Variants in FGF12 observed in about 807,000 individuals in gnomAD.
The protein encoded by FGF12 is fibroblast growth factor 12B.
A neutral mutation model predicts 23.6 loss-of-function variants in FGF12; 14 were observed. The observed-to-expected ratio is 0.59, with a 90% confidence interval of 0.39 to 0.93. The LOEUF is 0.93. FGF12 is among the 40% of genes least tolerant of loss of function. The pLI, the probability that FGF12 is intolerant of heterozygous loss-of-function variation, is 0.00. For missense variants in FGF12, 175 were observed against 217.8 expected (o/e 0.80, Z 1.24); for synonymous variants, 62 against 77.3 (o/e 0.80, Z 1.04).
chr3:192,182,515 G>A (rs1716236184), intron 4 of FGF12, among the ~76,000 whole-genome samples: 1 of 151,958 alleles, frequency 6.6e-6, no homozygotes, highest in African/African-American at 2.4e-5. Context: ...AATTACTGAA[G>A]GAAGAAAATC....
rs1713513680 is a variant in FGF12 at position 192,143,339 on chromosome 3, T to C, written c.*670A>G. 6.6e-6 allele frequency: 1 copy of C among 152,110 alleles called. No individual in the cohort carries two copies. Among genetic ancestry groups the C allele is most frequent in the Admixed American group, 6.5e-5 (1 of 15,270 alleles). 9.4% of individuals were successfully genotyped at this position (152,110 alleles called of 1,614,324 possible). On this transcript the variant is annotated 3_prime_UTR_variant, in exon 6 of 6. Transcript: ENST00000445105. ...GAAAGAATTAAACTCATTAAGGCTA[T>C]TCGATGCCATACAAGATTTTCCTTT... is the stretch of plus-strand genomic sequence containing the variant.
intron 4 of FGF12, among the ~76,000 whole-genome samples, chr3:192,191,913 T>C (rs1716814269): frequency 6.7e-6 from 1 of 149,860 alleles, no homozygotes; most frequent in Non-Finnish European, 1.5e-5. Flanking sequence ...ATACACAGAG[T>C]AGGGGAAAGG....
rs555323458 is a variant in FGF12, at chr3:192,383,030, A to T, written c.14-22492T>A. Among the ~76,000 whole-genome samples, 8 of 152,322 alleles carry T rather than the reference A, an allele frequency of 5.3e-5. No individual in the cohort carries two copies. In the South Asian group the frequency reaches 1.4e-3, roughly 28 times the overall value. On this transcript the variant is annotated intron_variant, in intron 2 of 5. Transcript: ENST00000445105. ...TAAAATTGTCTTGACTTAGTTATTA[A>T]TTGCATGTGGGCAGAAAGGGAAATG...
At chr3:192,698,184 T>C (rs954800159) in intron 2 of FGF12, among the ~76,000 whole-genome samples, 2 of 151,480 alleles carry the variant, frequency 1.3e-5, no homozygotes, top group African/African-American at 4.9e-5. Flanking sequence ...AAATCAATAT[T>C]TTAATGAATT....
chr3:192,449,349 T>C (rs917103583), intron 2 of FGF12, among the ~76,000 whole-genome samples: 1 of 152,112 alleles, frequency 6.6e-6, no homozygotes. Flanking sequence ...ACTCACAAAT[T>C]GTGGTGCTCA....
chr3:192,525,918 G>A (rs1358073564), intron 2 of FGF12, among the ~76,000 whole-genome samples: 1 of 152,180 alleles, frequency 6.6e-6, no homozygotes, highest in Non-Finnish European at 1.5e-5. Flanking sequence ...GGGACTACAG[G>A]TGTGCGCCAC....
chr3:192,639,044 C>G (rs1715689783), intron 2 of FGF12, among the ~76,000 whole-genome samples: 1 of 152,096 alleles, frequency 6.6e-6, no homozygotes, highest in Non-Finnish European at 1.5e-5. Context: ...TATTTGCAAA[C>G]CATACATCTG....
intron 2 of FGF12, among the ~76,000 whole-genome samples, chr3:192,669,078 T>A (rs1717006764): frequency 6.6e-6 from 1 of 152,106 alleles, no homozygotes; most frequent in African/African-American, 2.4e-5. Flanking sequence ...GCAAACAAGA[T>A]AAGATTTTTA....
At chr3:192,326,173 A>G (rs59674482) in intron 4 of FGF12, among the ~76,000 whole-genome samples, 6,341 of 152,266 alleles carry the variant, frequency 0.042, 378 homozygotes, top group African/African-American at 0.13. Flanking sequence ...TTTGCATCTG[A>G]TAAGATATAA....
At chr3:192,292,158 G>A (rs1364969678) in intron 4 of FGF12, among the ~76,000 whole-genome samples, 5 of 152,240 alleles carry the variant, frequency 3.3e-5, no homozygotes, top group East Asian at 3.9e-4. Context: ...TTTGTTCAGC[G>A]TGTTATAAGC....
intron 2 of FGF12, among the ~76,000 whole-genome samples, chr3:192,432,054 G>C (rs371616236): frequency 6.6e-6 from 1 of 152,124 alleles, no homozygotes; most frequent in East Asian, 1.9e-4. Context: ...CATAGATCAG[G>C]TCTGCTTACC....
intron 2 of FGF12, among the ~76,000 whole-genome samples, chr3:192,606,454 G>C (rs1435418701): frequency 6.6e-6 from 1 of 152,014 alleles, no homozygotes; most frequent in Non-Finnish European, 1.5e-5. Context: ...GGGATCAACT[G>C]TACACCAAAC....
intron 2 of FGF12, among the ~76,000 whole-genome samples, chr3:192,564,265 T>C (rs887074844): frequency 2.2e-4 from 33 of 152,198 alleles, no homozygotes; most frequent in African/African-American, 6.7e-4. Flanking sequence ...GGTTTCTCCA[T>C]GTTGAGCAGG....
intron 4 of FGF12, among the ~76,000 whole-genome samples, chr3:192,197,625 A>C (rs1717138020): frequency 6.6e-6 from 1 of 152,166 alleles, no homozygotes; most frequent in Non-Finnish European, 1.5e-5. Context: ...TAACAGATGA[A>C]GGGAGAATAG....
intron 2 of FGF12, among the ~76,000 whole-genome samples, chr3:192,631,956 T>C (rs76744604): frequency 0.097 from 14,739 of 152,268 alleles, 905 homozygotes; most frequent in Non-Finnish European, 0.14. Flanking sequence ...TCCTTTTACA[T>C]ATTAGTAAAT....
At chr3:192,666,906 GGATA>G (rs1716891329) in intron 2 of FGF12, among the ~76,000 whole-genome samples, 1 of 142,362 alleles carries the variant, frequency 7.0e-6, no homozygotes, top group Non-Finnish European at 1.5e-5. Flanking sequence ...ATGGATAGTT[GGATA>G]GATAGATGAT....
chr3:192,674,739 T>A (rs1243823122), intron 2 of FGF12, among the ~76,000 whole-genome samples: 1 of 152,224 alleles, frequency 6.6e-6, no homozygotes, highest in African/African-American at 2.4e-5. Flanking sequence ...TCAGCCTTAG[T>A]TGAGGAACAA....
At position 192,674,505 on chromosome 3, in the gene FGF12, C is replaced by T. The variant is rs114229992; in HGVS notation, c.13+52676G>A. Reference sequence around the variant, plus strand: ...ATACTCTGTAATTAAAGGACGGTTTCGAACTTCTGAGTACTCATTTTCTTC... The same window carrying T: ...ATACTCTGTAATTAAAGGACGGTTTTGAACTTCTGAGTACTCATTTTCTTC... On this transcript the variant is annotated intron_variant, in intron 2 of 5. Transcript: ENST00000445105. 2.3e-3 allele frequency among the ~76,000 whole-genome samples: 344 copies of T among 152,244 alleles called. 2 individuals carry two copies. Among genetic ancestry groups the T allele is most frequent in the African/African-American group, 7.3e-3 (305 of 41,542 alleles).
At chr3:192,500,340 G>A (rs1724097138) in intron 2 of FGF12, among the ~76,000 whole-genome samples, 2 of 152,156 alleles carry the variant, frequency 1.3e-5, no homozygotes, top group Non-Finnish European at 2.9e-5. Context: ...GATGACAAGA[G>A]TGCACCTATT....
Sources: gnomAD v4.1 joint callset for allele counts (sites outside exome capture counted in the v4.1 genomes callset) on GRCh38, gnomAD v4.1.1 for gene constraint, MANE v1.5 for transcripts, NCBI Gene and HGNC (gene_info 2026-07-23, HGNC 2026-07-21) for gene names.